TULP4: variants seen among roughly 807,000 people sequenced by gnomAD.
The protein encoded by TULP4 is TUB like protein 4.
TULP4 carries 16 observed loss-of-function variants against 129.0 expected under a neutral mutation model. The observed-to-expected ratio is 0.12, with a 90% CI of 0.08 to 0.19. TULP4 has a LOEUF of 0.19. TULP4 is among the 10% of genes least tolerant of loss of function. The pLI is 1.00. For missense variants in TULP4, 1,842 were observed against 2,059.1 expected (o/e 0.89, Z 2.04); for synonymous variants, 998 against 854.0 (o/e 1.17, Z -2.94).
intron 1 of TULP4, among the ~76,000 whole-genome samples, chr6:158,356,653 T>C (rs934719790): frequency 6.6e-6 from 1 of 152,080 alleles, no homozygotes; most frequent in Non-Finnish European, 1.5e-5. Flanking sequence ...TCAGGATCCT[T>C]TCATCTTTTA....
chr6:158,332,080 G>T (rs1168422542), intron 1 of TULP4, among the ~76,000 whole-genome samples: 2 of 147,928 alleles, frequency 1.4e-5, no homozygotes, highest in Non-Finnish European at 3.0e-5. Context: ...GCTGAGACAG[G>T]AGAATCATTT....
At chr6:158,350,049 C>A (rs12212495) in intron 1 of TULP4, among the ~76,000 whole-genome samples, 20,578 of 144,754 alleles carry the variant, frequency 0.14, 1,743 homozygotes, top group East Asian at 0.4. Flanking sequence ...TCACTTCCTC[C>A]CAGACGGGGC....
intron 1 of TULP4, among the ~76,000 whole-genome samples, chr6:158,297,165 C>T (rs1015475968): frequency 4.6e-5 from 7 of 152,004 alleles, no homozygotes; most frequent in Non-Finnish European, 5.9e-5. Flanking sequence ...CATTTCTTTT[C>T]CTAGGGTCTT....
At chr6:158,282,077 T>C (rs1451340164), upstream of TULP4, among the ~76,000 whole-genome samples, 4 of 152,208 alleles carry the variant, frequency 2.6e-5, no homozygotes, top group South Asian at 2.1e-4. Context: ...TTAAAAGTTA[T>C]TATAAACAGT....
chr6:158,377,272 A>G (rs949266421), intron 1 of TULP4, among the ~76,000 whole-genome samples: 4 of 152,226 alleles, frequency 2.6e-5, no homozygotes, highest in African/African-American at 9.6e-5. Flanking sequence ...TGGAAAGAGA[A>G]AAACAGGTGA....
chr6:158,290,124 C>T (rs550679246), intron 1 of TULP4, among the ~76,000 whole-genome samples: 1 of 151,930 alleles, frequency 6.6e-6, no homozygotes, highest in African/African-American at 2.4e-5. Context: ...TTTGTAGAAA[C>T]GGGGTCCCAC....
At chr6:158,485,243 A>G (rs1224285780) in intron 8 of TULP4, among the ~76,000 whole-genome samples, 1 of 152,258 alleles carries the variant, frequency 6.6e-6, no homozygotes, top group African/African-American at 2.4e-5. Context: ...CTGATGGCTT[A>G]TAGTAAAATG....
At chr6:158,397,942 T>C (rs1252432717) in intron 1 of TULP4, 1 of 152,236 alleles carries the variant, frequency 6.6e-6, no homozygotes, top group Non-Finnish European at 1.5e-5. Context: ...AATTCTGATG[T>C]AGCTTCTGTA....
In TULP4 at chr6:158,331,771, G is replaced by GTATATATA. The variant is rs553636109; in HGVS notation, c.252+17504_252+17511dup. On this transcript the variant is annotated intron_variant, in intron 1 of 13. Transcript: ENST00000367097. ...TGTATATACACGTGTATATATACACGTATATATACACACACACATACCTAC... is the reference window on the plus strand; with the variant it reads ...TGTATATACACGTGTATATATACACGTATATATATATATATACACACACACATACCTAC... 9.4e-3 allele frequency among the ~76,000 whole-genome samples: 288 copies of GTATATATA among 30,762 alleles called. 37 individuals are homozygous for GTATATATA. Among genetic ancestry groups the GTATATATA allele is most frequent in the East Asian group, 0.045 (46 of 1,018 alleles). The allele number at this position is 30,762 out of a possible 152,430, so 20.2% of individuals were successfully genotyped here.
chr6:158,315,506 T>G lies in TULP4; in HGVS notation c.252+1238T>G, dbSNP rs190082905. 6.2e-4 allele frequency among the ~76,000 whole-genome samples: 95 copies of G among 152,292 alleles called. 1 individual carries two copies. The highest frequency in any genetic ancestry group is 2.2e-3 in the African/African-American group (91 of 41,566). ...AAACATTCAGTAAGGTGCACTAAAC[T>G]TAACTCTCGATTATTTTTATATGCA... On this transcript the variant is annotated intron_variant, in intron 1 of 13. Coordinates refer to ENST00000367097, the MANE Select transcript of TULP4 (RefSeq NM_020245.5).
At chr6:158,355,540 C>T (rs1562532660) in intron 1 of TULP4, among the ~76,000 whole-genome samples, 1 of 152,072 alleles carries the variant, frequency 6.6e-6, no homozygotes, top group Non-Finnish European at 1.5e-5. Flanking sequence ...AAGCTCTGTT[C>T]ATGTGTAGTG....
rs187830931 is a variant in TULP4 at position 158,438,645 on chromosome 6, C to T, written c.543+8748C>T. The stretch of plus-strand genomic sequence containing the variant: ...TGTTGCCCAGGCTAGAGTGCAGTGG[C>T]GTGATCTCAGCTCACTGCAACCTCC... On this transcript the variant is annotated intron_variant, in intron 3 of 13. Coordinates refer to ENST00000367097, the MANE Select transcript of TULP4 (RefSeq NM_020245.5). Among the ~76,000 whole-genome samples the T allele has an allele frequency of 5.3e-5, 8 of 152,174 alleles. No homozygotes were observed. The South Asian group carries it at 8.3e-4, about 16-fold the overall frequency.
At chr6:158,256,854 G>GATTTTAGT (rs1044084787) in intron 1 of TULP4, among the ~76,000 whole-genome samples, 4 of 152,142 alleles carry the variant, frequency 2.6e-5, no homozygotes, top group African/African-American at 9.7e-5. Flanking sequence ...ATCCAGGCAG[G>GATTTTAGT]ATTTTAGTTG....
chr6:158,289,009 A>C (rs1778881550), intron 1 of TULP4, among the ~76,000 whole-genome samples: 1 of 152,190 alleles, frequency 6.6e-6, no homozygotes, highest in Non-Finnish European at 1.5e-5. Flanking sequence ...GCTGTAGGCT[A>C]TTCCTGAATG....
intron 1 of TULP4, among the ~76,000 whole-genome samples, chr6:158,329,284 A>C (rs1562522180): frequency 6.6e-6 from 1 of 152,078 alleles, no homozygotes; most frequent in Non-Finnish European, 1.5e-5. Flanking sequence ...TCTCTATCTT[A>C]GGGACTTTTC....
At chr6:158,375,727 T>C (rs1562540707) in intron 1 of TULP4, among the ~76,000 whole-genome samples, 1 of 152,190 alleles carries the variant, frequency 6.6e-6, no homozygotes, top group African/African-American at 2.4e-5. Flanking sequence ...CAAGTGCTTA[T>C]TAAACAGCTA....
intron 3 of TULP4, among the ~76,000 whole-genome samples, chr6:158,447,923 T>G (rs749191332): frequency 6.6e-6 from 1 of 152,216 alleles, no homozygotes; most frequent in Non-Finnish European, 1.5e-5. Flanking sequence ...GTAAAGTTTT[T>G]AATGGCAACC....
intron 1 of TULP4, among the ~76,000 whole-genome samples, chr6:158,256,175 G>C (rs1778238547): frequency 6.6e-6 from 1 of 152,216 alleles, no homozygotes; most frequent in Non-Finnish European, 1.5e-5. Flanking sequence ...CAGTGGTTAA[G>C]GCTTTGGTGA....
At chr6:158,429,476 C>T (rs929450566) in intron 2 of TULP4, among the ~76,000 whole-genome samples, 3 of 152,136 alleles carry the variant, frequency 2.0e-5, no homozygotes, top group South Asian at 4.2e-4. Context: ...GGTAGTATCT[C>T]GTTATTTTGT....
Sources: gnomAD v4.1 joint callset for allele counts (sites outside exome capture counted in the v4.1 genomes callset) on GRCh38, gnomAD v4.1.1 for gene constraint, MANE v1.5 for transcripts, NCBI Gene and HGNC (gene_info 2026-07-23, HGNC 2026-07-21) for gene names.